Variants in CRACR2A observed in about 807,000 individuals in gnomAD.
CRACR2A encodes the protein calcium release activated channel regulator 2A.
A neutral mutation model predicts 90.5 loss-of-function variants in CRACR2A; 79 were observed. That is an observed-to-expected ratio of 0.87 (90% CI 0.73 to 1.05). The LOEUF is 1.05. CRACR2A is among the 50% of genes least tolerant of loss of function. CRACR2A has a pLI of 0.00. For synonymous variants in CRACR2A, 338 were observed against 356.7 expected, an observed-to-expected ratio of 0.95 and a Z score of 0.59; for missense variants, 823 against 897.2, an observed-to-expected ratio of 0.92 and a Z score of 1.06.
chr12:3,664,936 G>A lies in CRACR2A; in HGVS notation c.672-5282C>T, dbSNP rs1333667197. Among the ~76,000 whole-genome samples, 7 of 152,368 alleles carry A rather than the reference G, an allele frequency of 4.6e-5. No homozygotes were observed. The South Asian group carries it at 1.4e-3, about 32-fold the overall frequency. On this transcript the variant is annotated intron_variant, in intron 7 of 19. Transcript: ENST00000440314. Reference sequence around the variant, plus strand: ...GCAGGAGAATCACTTGAGCCCAGAAGGCGGAGGTTGCAGTGCGCCAAGATC... The same window carrying A: ...GCAGGAGAATCACTTGAGCCCAGAAAGCGGAGGTTGCAGTGCGCCAAGATC...
chr12:3,666,414 G>T (rs553865248), intron 7 of CRACR2A, among the ~76,000 whole-genome samples: 3 of 151,752 alleles, frequency 2.0e-5, no homozygotes, highest in Non-Finnish European at 4.4e-5. Flanking sequence ...TCTGGTGCTG[G>T]GTTACTGGGG....
In CRACR2A at chr12:3,748,845, A is replaced by T. The variant is rs7965811; in HGVS notation, c.-387+4170T>A. On this transcript the variant is annotated intron_variant, in intron 1 of 19. Transcript: ENST00000440314. ...GCCTGACTGCAAATTTGTTTATGTC[A>T]TCCGGATGACGTCATGCTAACTTGA... Among the ~76,000 whole-genome samples, 317 of 152,224 alleles carry T rather than the reference A, an allele frequency of 2.1e-3. 1 individual carries two copies. The highest frequency in any genetic ancestry group is 3.5e-3 in the Admixed American group (53 of 15,294).
chr12:3,637,278 T>A (rs961068759), intron 14 of CRACR2A, among the ~76,000 whole-genome samples: 2 of 152,208 alleles, frequency 1.3e-5, no homozygotes, highest in African/African-American at 4.8e-5. Flanking sequence ...TAAGAGCAGT[T>A]ACAAAGCCTG....
intron 12 of CRACR2A, among the ~76,000 whole-genome samples, chr12:3,644,084 T>C (rs1360027292): frequency 6.8e-6 from 1 of 146,058 alleles, no homozygotes; most frequent in African/African-American, 2.5e-5. Flanking sequence ...ACTACATATA[T>C]ATAGAGAGAG....
chr12:3,749,968 C>T (rs1221009303), intron 1 of CRACR2A, among the ~76,000 whole-genome samples: 1 of 151,196 alleles, frequency 6.6e-6, no homozygotes, highest in African/African-American at 2.4e-5. Flanking sequence ...CGGAGTATCG[C>T]TCTTGTCACT....
rs369767255 is a variant in CRACR2A at position 3,654,227 on chromosome 12, T to G, written c.1031A>C (p.His344Pro). The change falls in exon 10 of 20, where the codon CAC becomes CCC. Residue 344 changes from histidine (H) to proline (P), a missense_variant. Transcript: ENST00000440314. ...ESLQQEACKL[H>P]QEKEMEVYRV... ...CTGGACTCACATCTCCTTCTCTTGG[T>G]GGAGTTTGCAGGCCTCTTGCTGGAG... 2.2e-4 allele frequency: 349 copies of G among 1,612,416 alleles called. 1 individual carries two copies. The highest frequency in any genetic ancestry group is 2.8e-4 in the Non-Finnish European group (333 of 1,179,524).
chr12:3,719,340 G>C (rs1487109287), intron 2 of CRACR2A, among the ~76,000 whole-genome samples: 1 of 152,110 alleles, frequency 6.6e-6, no homozygotes, highest in African/African-American at 2.4e-5. Flanking sequence ...CTTGGGCCTC[G>C]GGCTCCTCTT....
At chr12:3,661,650 C>G (rs1464756509) in intron 7 of CRACR2A, among the ~76,000 whole-genome samples, 1 of 152,174 alleles carries the variant, frequency 6.6e-6, no homozygotes, top group Non-Finnish European at 1.5e-5. Flanking sequence ...GTGACAGAAG[C>G]AGATACAGTT....
chr12:3,637,393 C>A (rs1485706827), intron 14 of CRACR2A, among the ~76,000 whole-genome samples: 1 of 152,162 alleles, frequency 6.6e-6, no homozygotes, highest in Non-Finnish European at 1.5e-5. Flanking sequence ...AGAGAGAGCA[C>A]AGGGTCGGGA....
intron 14 of CRACR2A, among the ~76,000 whole-genome samples, chr12:3,637,655 C>T (rs1195279836): frequency 2.0e-5 from 3 of 151,772 alleles, no homozygotes; most frequent in Admixed American, 6.6e-5. Flanking sequence ...CTTTCTTTTA[C>T]GTGCCCACCC....
intron 4 of CRACR2A, among the ~76,000 whole-genome samples, chr12:3,687,279 T>G (rs1450835662): frequency 6.6e-6 from 1 of 152,070 alleles, no homozygotes; most frequent in Non-Finnish European, 1.5e-5. Flanking sequence ...TTGTACATAT[T>G]ATTTCATCAC....
intron 6 of CRACR2A, 83 bp downstream of exon 6, chr12:3,678,832 A>T: frequency 6.9e-7 from 1 of 1,451,316 alleles, no homozygotes; most frequent in Non-Finnish European, 9.3e-7. Context: ...CCACATGGTT[A>T]ACAAATGTTA....
At chr12:3,667,472 G>A (rs1400679266) in intron 7 of CRACR2A, among the ~76,000 whole-genome samples, 14 of 152,140 alleles carry the variant, frequency 9.2e-5, no homozygotes, top group Admixed American at 9.2e-4. Flanking sequence ...TTATGGGAGG[G>A]GCTTGACTCC....
intron 10 of CRACR2A, among the ~76,000 whole-genome samples, chr12:3,653,152 T>G (rs370589136): frequency 3.3e-5 from 5 of 152,234 alleles, no homozygotes; most frequent in African/African-American, 9.6e-5. Flanking sequence ...CTGGCTAATT[T>G]TTGTATTTTT....
intron 1 of CRACR2A, among the ~76,000 whole-genome samples, chr12:3,743,854 G>A (rs1250422912): frequency 6.6e-6 from 1 of 152,178 alleles, no homozygotes; most frequent in Non-Finnish European, 1.5e-5. Context: ...CACACAGTAG[G>A]GGCTTGCAGT....
chr12:3,627,758 C>T (rs1944293902), intron 15 of CRACR2A, 52 bp from the exon 16 acceptor site: 2 of 1,502,674 alleles, frequency 1.3e-6, no homozygotes, highest in Non-Finnish European at 9.1e-7. Context: ...GGGCACCTCA[C>T]TTCCAAATCA....
intron 17 of CRACR2A, among the ~76,000 whole-genome samples, chr12:3,620,573 A>C (rs1170272519): frequency 6.6e-6 from 1 of 152,244 alleles, no homozygotes; most frequent in African/African-American, 2.4e-5. Flanking sequence ...TATTTAACAA[A>C]TGAGAAAGTT....
intron 3 of CRACR2A, among the ~76,000 whole-genome samples, chr12:3,710,929 C>A (rs1296105421): frequency 6.6e-6 from 1 of 152,106 alleles, no homozygotes; most frequent in African/African-American, 2.4e-5. Context: ...TAAGTTTCAA[C>A]ATAATGAGTT....
intron 12 of CRACR2A, among the ~76,000 whole-genome samples, chr12:3,643,443 G>A (rs1944609916): frequency 6.6e-6 from 1 of 152,040 alleles, no homozygotes. Flanking sequence ...CGTGACAGCG[G>A]AGGTCATGGT....
Sources: gnomAD v4.1 joint callset for allele counts (sites outside exome capture counted in the v4.1 genomes callset) on GRCh38, gnomAD v4.1.1 for gene constraint, MANE v1.5 for transcripts, NCBI Gene and HGNC (gene_info 2026-07-23, HGNC 2026-07-21) for gene names.